SLFN11: variants seen among roughly 807,000 people sequenced by gnomAD.
SLFN11 encodes the protein schlafen family member 11.
A neutral mutation model predicts 53.4 loss-of-function variants in SLFN11; 43 were observed. The ratio of observed to expected loss-of-function variants is 0.80; its 90% CI spans 0.63 to 1.04. SLFN11 has a LOEUF of 1.04. SLFN11 is among the 50% of genes least tolerant of loss of function. The pLI is 0.00. For synonymous variants in SLFN11, 389 were observed against 394.7 expected, an observed-to-expected ratio of 0.99 and a Z score of 0.17; for missense variants, 990 against 1,079.1, an observed-to-expected ratio of 0.92 and a Z score of 1.16.
At chr17:35,371,854 C>T (rs1194519497) in intron 1 of SLFN11, among the ~76,000 whole-genome samples, 1 of 151,960 alleles carries the variant, frequency 6.6e-6, no homozygotes, top group Non-Finnish European at 1.5e-5. Flanking sequence ...AAAAGGGAAC[C>T]CTCAAACAGT....
At chr17:35,371,474 A>G (rs1909649659) in intron 1 of SLFN11, among the ~76,000 whole-genome samples, 1 of 152,134 alleles carries the variant, frequency 6.6e-6, no homozygotes, top group Non-Finnish European at 1.5e-5. Context: ...GACAAATGGG[A>G]TCACATCAAG....
intron 4 of SLFN11, among the ~76,000 whole-genome samples, chr17:35,362,046 C>G (rs1908288642): frequency 1.3e-5 from 2 of 152,030 alleles, no homozygotes; most frequent in Non-Finnish European, 2.9e-5. Flanking sequence ...AGAAAGCAAC[C>G]CCAGAAAGCA....
rs1324092974 is a variant in SLFN11 at position 35,351,692 on chromosome 17, G to A, written c.*664C>T. On this transcript the variant is annotated 3_prime_UTR_variant, in exon 7 of 7. Coordinates refer to ENST00000685675, the MANE Select transcript of SLFN11 (RefSeq NM_001376007.1). Reference sequence around the variant, plus strand: ...TTGGCCTATAATTTCTCCTTAAAGTGACCATTAATATTCACTATCACAATT... The same window carrying A: ...TTGGCCTATAATTTCTCCTTAAAGTAACCATTAATATTCACTATCACAATT... 6.6e-6 allele frequency: 1 copy of A among 152,148 alleles called. No individual in the cohort carries two copies. Among genetic ancestry groups the A allele is most frequent in the Non-Finnish European group, 1.5e-5 (1 of 68,048 alleles). The allele number at this position is 152,148 out of a possible 1,614,324, so 9.4% of individuals were successfully genotyped here. A position where few individuals can be genotyped will look rare whatever the true frequency, so the allele number is the denominator to read the frequency against.
intron 4 of SLFN11, among the ~76,000 whole-genome samples, chr17:35,360,673 C>A (rs1328691293): frequency 2.0e-5 from 3 of 152,120 alleles, no homozygotes; most frequent in Admixed American, 6.5e-5. Context: ...CTAGCTCATT[C>A]TTTTAGTACT....
At chr17:35,372,302 A>T (rs1909774766) in intron 1 of SLFN11, among the ~76,000 whole-genome samples, 1 of 152,100 alleles carries the variant, frequency 6.6e-6, no homozygotes, top group African/African-American at 2.4e-5. Context: ...CAGAAGGATG[A>T]CTACCTGAGG....
chr17:35,350,638 G>A lies in SLFN11; in HGVS notation c.*1718C>T, dbSNP rs1783387596. 6.6e-6 allele frequency: 1 copy of A among 152,110 alleles called. No individual in the cohort carries two copies. Among genetic ancestry groups the A allele is most frequent in the South Asian group, 2.1e-4 (1 of 4,826 alleles). The allele number at this position is 152,110 out of a possible 1,614,324, so 9.4% of individuals were successfully genotyped here. ...AAAGATAGCTTTTTAATGCTGAGTT[G>A]TATCTGATTTAATGCAGTCAGAAAG... On this transcript the variant is annotated 3_prime_UTR_variant, in exon 7 of 7. Coordinates refer to ENST00000685675, the MANE Select transcript of SLFN11 (RefSeq NM_001376007.1).
At chr17:35,367,982 G>A (rs1289528190) in intron 1 of SLFN11, among the ~76,000 whole-genome samples, 1 of 152,072 alleles carries the variant, frequency 6.6e-6, no homozygotes, top group African/African-American at 2.4e-5. Context: ...GGCTCAGTGG[G>A]TAGCATCTGT....
At chr17:35,369,554 G>A (rs552774997) in intron 1 of SLFN11, among the ~76,000 whole-genome samples, 1 of 152,066 alleles carries the variant, frequency 6.6e-6, no homozygotes, top group Non-Finnish European at 1.5e-5. Flanking sequence ...CTGAAGAAAA[G>A]AACACAGCTT....
At chr17:35,367,334 A>G (rs1909080512) in intron 2 of SLFN11, 1 of 152,094 alleles carries the variant, frequency 6.6e-6, no homozygotes, top group South Asian at 2.1e-4. Flanking sequence ...CAACCCCACC[A>G]TCTGCTTAGA....
In SLFN11 at chr17:35,368,691, C is replaced by A. The variant is rs376131172; in HGVS notation, c.-234-991G>T. On this transcript the variant is annotated intron_variant, in intron 1 of 6. Coordinates refer to ENST00000685675, the MANE Select transcript of SLFN11 (RefSeq NM_001376007.1). Reference sequence around the variant, plus strand: ...CTAAGAGAGTGCTTGCACCACCCCTCCCCCAACCCCAGACAGTGTGACTCT... The same window carrying A: ...CTAAGAGAGTGCTTGCACCACCCCTACCCCAACCCCAGACAGTGTGACTCT... Among the ~76,000 whole-genome samples, 39 of 152,180 alleles carry A rather than the reference C, an allele frequency of 2.6e-4. 1 individual carries two copies. Among genetic ancestry groups the A allele is most frequent in the Middle Eastern group, 3.4e-3 (1 of 294 alleles).
intron 4 of SLFN11, among the ~76,000 whole-genome samples, chr17:35,362,318 G>A (rs879393036): frequency 6.6e-6 from 1 of 152,092 alleles, no homozygotes; most frequent in Non-Finnish European, 1.5e-5. Context: ...TAATTAGGAA[G>A]TGGTGAGTTT....
chr17:35,363,048 T>G lies in SLFN11; in HGVS notation c.760A>C (p.Ser254Arg). ...TTTGCACATCCCAGGACTTCCCTAC[T>G]CTTATCATCCACTCCAATAAAAAGA... is the stretch of plus-strand genomic sequence containing the variant. ...GYLFIGVDDK[S>R]REVLGCAKEN... Residue 254 changes from serine (S) to arginine (R), a missense_variant, in exon 4 of 7, where the codon AGT becomes CGT. By Grantham distance (110) the Ser-to-Arg change is moderately radical (BLOSUM62 -1). Coordinates refer to ENST00000685675, the MANE Select transcript of SLFN11 (RefSeq NM_001376007.1). The G allele has an allele frequency of 1.2e-6, 2 of 1,614,024 alleles. No homozygotes were observed. The highest frequency in any genetic ancestry group is 1.7e-6 in the Non-Finnish European group (2 of 1,179,980).
chr17:35,361,873 T>C (rs1490013033), intron 4 of SLFN11, among the ~76,000 whole-genome samples: 1 of 151,970 alleles, frequency 6.6e-6, no homozygotes, highest in African/African-American at 2.4e-5. Context: ...GCCTCCCAAG[T>C]AGCTGAGACC....
In SLFN11 at chr17:35,353,726, C is replaced by T. The variant is rs1290882251; in HGVS notation, c.1532G>A (p.Arg511Lys). 3 of 1,473,644 alleles carry T rather than the reference C, an allele frequency of 2.0e-6. No homozygotes were observed. The highest frequency in any genetic ancestry group is 2.7e-6 in the Non-Finnish European group (3 of 1,099,128). 91.3% of individuals were successfully genotyped at this position (1,473,644 alleles called of 1,614,324 possible). The change falls in exon 6 of 7, where the codon AGG (arginine) becomes AAG (lysine). Residue 511 changes from arginine (R) to lysine (K), a missense_variant. Transcript: ENST00000685675. ...AGGACTCAGGCAGAGGACCTTGGCC[C>T]TGACACACACCTTCCCGGTGTAGCC... Reference protein sequence around the residue: ...MGGYTGKVCVRAKVLCLSPES... With the variant: ...MGGYTGKVCVKAKVLCLSPES...
chr17:35,368,295 T>C (rs1190457400), intron 1 of SLFN11, among the ~76,000 whole-genome samples: 1 of 151,776 alleles, frequency 6.6e-6, no homozygotes, highest in East Asian at 1.9e-4. Flanking sequence ...TCTCCAGCAG[T>C]GACCATGTGG....
At chr17:35,353,162 C>T (rs1212429239) in intron 6 of SLFN11, 23 bp from the exon 7 acceptor site, 6 of 1,601,448 alleles carry the variant, frequency 3.7e-6, no homozygotes, top group Non-Finnish European at 5.1e-6. Flanking sequence ...AAAGAACACA[C>T]TCAGGTTTTC....
intron 5 of SLFN11, among the ~76,000 whole-genome samples, chr17:35,359,253 G>A (rs1037159424): frequency 5.9e-4 from 90 of 152,024 alleles, no homozygotes; most frequent in African/African-American, 2.1e-3. Flanking sequence ...AGCTTAAAAG[G>A]TGATTAGCAG....
intron 1 of SLFN11, among the ~76,000 whole-genome samples, chr17:35,371,947 C>T (rs1409873296): frequency 6.6e-6 from 1 of 152,048 alleles, no homozygotes; most frequent in Non-Finnish European, 1.5e-5. Flanking sequence ...AGCTACCACA[C>T]AATTCAGCAA....
In SLFN11 at chr17:35,351,244, T is replaced by C. The variant is rs1906635511; in HGVS notation, c.*1112A>G. The C allele has an allele frequency of 6.6e-6, 1 of 152,218 alleles. No homozygotes were observed. Among genetic ancestry groups the C allele is most frequent in the Non-Finnish European group, 1.5e-5 (1 of 68,024 alleles). The allele number at this position is 152,218 out of a possible 1,614,324, so 9.4% of individuals were successfully genotyped here. A position where few individuals can be genotyped will look rare whatever the true frequency, so the allele number is the denominator to read the frequency against. ...ACAGGGAGGGAGGGAACAAGCTCTC[T>C]GGGGTCTCTCCCTATAAGGACACCA... On this transcript the variant is annotated 3_prime_UTR_variant, in exon 7 of 7. Coordinates refer to ENST00000685675, the MANE Select transcript of SLFN11 (RefSeq NM_001376007.1).
Sources: allele counts gnomAD v4.1 joint callset (sites outside exome capture counted in the v4.1 genomes callset), GRCh38; gene constraint gnomAD v4.1.1; transcripts MANE v1.5; gene names NCBI Gene and HGNC (gene_info 2026-07-23, HGNC 2026-07-21).